Variants in TSG101 observed in about 807,000 individuals in gnomAD.
TSG101 encodes the protein tumor susceptibility gene 101 protein.
In TSG101, 19 loss-of-function variants were observed where a neutral mutation model predicts 48.5. The observed-to-expected ratio is 0.39, with a 90% CI of 0.27 to 0.58. TSG101 has a LOEUF of 0.58. TSG101 is among the 20% of genes least tolerant of loss of function. The pLI is 0.55. For missense variants in TSG101, 365 were observed against 484.4 expected, an observed-to-expected ratio of 0.75 and a Z score of 2.31; for synonymous variants, 174 against 169.4, an observed-to-expected ratio of 1.03 and a Z score of -0.21.
At chr11:18,492,409 T>G (rs1300570027) in intron 7 of TSG101, among the ~76,000 whole-genome samples, 1 of 152,240 alleles carries the variant, frequency 6.6e-6, no homozygotes, top group African/African-American at 2.4e-5. Flanking sequence ...CAACATACTT[T>G]GTTAAAGCTA....
chr11:18,505,964 T>C (rs564360864), intron 6 of TSG101, among the ~76,000 whole-genome samples: 2 of 151,962 alleles, frequency 1.3e-5, no homozygotes, highest in East Asian at 3.9e-4. Flanking sequence ...ATTACAGGCA[T>C]GTGCCACCAT....
chr11:18,523,871 A>G (rs1185931059), intron 1 of TSG101, among the ~76,000 whole-genome samples: 2 of 152,048 alleles, frequency 1.3e-5, no homozygotes, highest in South Asian at 4.2e-4. Flanking sequence ...GCTCACTGTA[A>G]CCTTGAACTC....
intron 4 of TSG101, 89 bp downstream of exon 4, chr11:18,514,589 G>A (rs756685421): frequency 1.2e-5 from 13 of 1,123,864 alleles, no homozygotes; most frequent in East Asian, 5.7e-5. Context: ...ATCCTACCTC[G>A]AATCCTCCTT....
At position 18,480,743 on chromosome 11, in the gene TSG101, C is replaced by A; in HGVS notation, c.1084-108G>T. 4.2e-6 allele frequency: 4 copies of A among 948,234 alleles called. No individual in the cohort carries two copies. The South Asian group carries it at 4.7e-5, about 11-fold the overall frequency. 58.7% of individuals were successfully genotyped at this position (948,234 alleles called of 1,614,324 possible). A position where few individuals can be genotyped will look rare whatever the true frequency, so the allele number is the denominator to read the frequency against. ...GGGATCTAAGAACCCTAACTCATGA[C>A]CTGCCAACCTTTGGAATGAATACCT... On this transcript the variant is annotated intron_variant, in intron 9 of 9. Coordinates refer to ENST00000251968, the MANE Select transcript of TSG101 (RefSeq NM_006292.4).
At chr11:18,525,415 G>A (rs1313855440) in intron 1 of TSG101, among the ~76,000 whole-genome samples, 1 of 151,692 alleles carries the variant, frequency 6.6e-6, no homozygotes, top group African/African-American at 2.4e-5. Flanking sequence ...TGAAGTGGTG[G>A]GCACCTGTAA....
chr11:18,492,056 T>G lies in TSG101; in HGVS notation c.641-7984A>C, dbSNP rs889646531. Among the ~76,000 whole-genome samples, 4 of 152,190 alleles carry G rather than the reference T, an allele frequency of 2.6e-5. No homozygotes were observed. In the East Asian group the frequency reaches 7.7e-4, roughly 29 times the overall value. On this transcript the variant is annotated intron_variant, in intron 7 of 9. Coordinates refer to ENST00000251968, the MANE Select transcript of TSG101 (RefSeq NM_006292.4). Reference sequence around the variant, plus strand: ...AAAAAGAGCCAATTTCTACAAGAGTTTGGTTTAGAATTTCATATCCAAAGG... The same window carrying G: ...AAAAAGAGCCAATTTCTACAAGAGTGTGGTTTAGAATTTCATATCCAAAGG...
At chr11:18,491,346 G>C (rs1005827641) in intron 7 of TSG101, among the ~76,000 whole-genome samples, 3 of 152,154 alleles carry the variant, frequency 2.0e-5, no homozygotes, top group African/African-American at 7.2e-5. Context: ...CTCTGGAGGA[G>C]CTGGAGACTA....
At chr11:18,518,784 CA>C (rs1281720798) in intron 2 of TSG101, among the ~76,000 whole-genome samples, 1 of 151,872 alleles carries the variant, frequency 6.6e-6, no homozygotes, top group Admixed American at 6.6e-5. Context: ...CTCGGTGATA[CA>C]CAACACATTA....
Position 18,492,765 on chromosome 11 carries a change from TA to T in TSG101, c.641-8694del, listed in dbSNP as rs60389211. Among the ~76,000 whole-genome samples the T allele has an allele frequency of 7.5e-3, 924 of 123,722 alleles. 7 individuals are homozygous for T. The highest frequency in any genetic ancestry group is 0.023 in the African/African-American group (745 of 32,446). 81.2% of individuals were successfully genotyped at this position (123,722 alleles called of 152,430 possible). ...AACTTTAAAAAATCGAACTACTTTG[TA>T]AAAAAAAAAAAAGGAATTATAACTA... On this transcript the variant is annotated intron_variant, in intron 7 of 9. Coordinates refer to ENST00000251968, the MANE Select transcript of TSG101 (RefSeq NM_006292.4).
At chr11:18,523,806 T>A (rs893973117) in intron 1 of TSG101, among the ~76,000 whole-genome samples, 1 of 152,040 alleles carries the variant, frequency 6.6e-6, no homozygotes, top group Admixed American at 6.6e-5. Context: ...CTGGCCAATT[T>A]TGTTATAGTT....
intron 2 of TSG101, among the ~76,000 whole-genome samples, chr11:18,516,631 A>G (rs1258220687): frequency 6.6e-6 from 1 of 151,970 alleles, no homozygotes; most frequent in Non-Finnish European, 1.5e-5. Context: ...GGTGTGAGTC[A>G]CTTTTAAAAC....
Position 18,480,324 on chromosome 11 carries a change from T to A in TSG101, c.*222A>T. On this transcript the variant is annotated 3_prime_UTR_variant, in exon 10 of 10. Transcript: ENST00000251968. ...AGGAGAGAAAAATTATGCAACAAAT[T>A]TTATTTAGCAGTCCCAACATTCAGC... is the stretch of plus-strand genomic sequence containing the variant. 2.8e-6 allele frequency: 1 copy of A among 354,406 alleles called. No homozygotes were observed. The highest frequency in any genetic ancestry group is 5.1e-6 in the Non-Finnish European group (1 of 195,610). The allele number at this position is 354,406 out of a possible 1,614,324, so 22.0% of individuals were successfully genotyped here. A position where few individuals can be genotyped will look rare whatever the true frequency, so the allele number is the denominator to read the frequency against.
At chr11:18,493,558 T>C (rs1274750936) in intron 7 of TSG101, among the ~76,000 whole-genome samples, 1 of 152,218 alleles carries the variant, frequency 6.6e-6, no homozygotes. Context: ...CCAGCATTTT[T>C]ACTCCTGGAT....
intron 7 of TSG101, among the ~76,000 whole-genome samples, chr11:18,497,582 CAAGTT>C (rs1373138709): frequency 2.0e-5 from 3 of 152,034 alleles, no homozygotes; most frequent in East Asian, 3.9e-4. Flanking sequence ...TGTAATGAAA[CAAGTT>C]AATATAAAAA....
intron 1 of TSG101, chr11:18,525,634 TATAAAA>T: frequency 1.0e-6 from 1 of 972,426 alleles, no homozygotes; most frequent in East Asian, 1.1e-4. Context: ...AAAAGTGATA[TATAAAA>T]GTTACAACAT....
intron 8 of TSG101, among the ~76,000 whole-genome samples, chr11:18,483,023 T>C (rs533259502): frequency 4.9e-5 from 7 of 141,744 alleles, no homozygotes; most frequent in Admixed American, 4.4e-4. Context: ...AAGGGACCTG[T>C]GTGCGTGTGT....
Position 18,516,176 on chromosome 11 carries a change from G to C in TSG101, c.128-12C>G, listed in dbSNP as rs1565094226. 1.9e-6 allele frequency: 3 copies of C among 1,612,214 alleles called. No homozygotes were observed. The highest frequency in any genetic ancestry group is 2.5e-6 in the Non-Finnish European group (3 of 1,178,858). ...GCCATCGTTAAAAACTGAAAGGAAA[G>C]AACAATGATTTAATCATGAGCATTT... is the stretch of plus-strand genomic sequence containing the variant. On this transcript the variant is annotated splice_polypyrimidine_tract_variant and intron_variant, in intron 2 of 9. Transcript: ENST00000251968.
intron 7 of TSG101, among the ~76,000 whole-genome samples, chr11:18,499,156 G>A (rs1314061962): frequency 6.9e-6 from 1 of 145,730 alleles, no homozygotes; most frequent in Admixed American, 7.2e-5. Flanking sequence ...TCCAATAGTG[G>A]TGGCAGGAAA....
chr11:18,520,827 T>G (rs1290645008), intron 1 of TSG101, among the ~76,000 whole-genome samples: 1 of 152,022 alleles, frequency 6.6e-6, no homozygotes, highest in East Asian at 1.9e-4. Context: ...GGTCAGGAGT[T>G]CGAGACCAGC....
Sources: allele counts gnomAD v4.1 joint callset (sites outside exome capture counted in the v4.1 genomes callset), GRCh38; gene constraint gnomAD v4.1.1; transcripts MANE v1.5; gene names NCBI Gene and HGNC (gene_info 2026-07-23, HGNC 2026-07-21).